Variants in NUDCD3 observed in about 807,000 individuals in gnomAD.
NUDCD3 encodes NudC domain containing 3.
A neutral mutation model predicts 39.7 loss-of-function variants in NUDCD3; 13 were observed. The ratio of observed to expected loss-of-function variants is 0.33; its 90% CI spans 0.21 to 0.52. NUDCD3 has a LOEUF of 0.52. Among genes scored for constraint, NUDCD3 ranks in the 20% least tolerant of loss-of-function variants. The pLI is 0.96. For missense variants in NUDCD3, 453 were observed against 458.1 expected (o/e 0.99, Z 0.10); for synonymous variants, 175 against 172.4 (o/e 1.02, Z -0.12).
At position 44,464,524 on chromosome 7, in the gene NUDCD3, G is replaced by A. The variant is rs934342078; in HGVS notation, c.509+20444C>T. ...CACCCAGTGCAATGGCACAATCTCG[G>A]CTCATTGCAACCTCCACCTCTCAGA... On this transcript the variant is annotated intron_variant, in intron 2 of 5. Transcript: ENST00000355451. Among the ~76,000 whole-genome samples the A allele has an allele frequency of 5.9e-5, 9 of 152,018 alleles. No homozygotes were observed. The East Asian group carries it at 1.7e-3, about 29-fold the overall frequency.
chr7:44,464,224 A>G (rs1223653010), intron 2 of NUDCD3, among the ~76,000 whole-genome samples: 3 of 147,684 alleles, frequency 2.0e-5, no homozygotes, highest in East Asian at 3.9e-4. Flanking sequence ...AAAAAAAAAA[A>G]AAAAAGAAAA....
intron 2 of NUDCD3, among the ~76,000 whole-genome samples, chr7:44,453,893 A>T (rs887184782): frequency 6.6e-6 from 1 of 152,096 alleles, no homozygotes; most frequent in Non-Finnish European, 1.5e-5. Context: ...AAATAAAAAC[A>T]TTAGCTGAGG....
At chr7:44,405,833 AT>A (rs1478258954) in intron 3 of NUDCD3, among the ~76,000 whole-genome samples, 1 of 152,168 alleles carries the variant, frequency 6.6e-6, no homozygotes. Flanking sequence ...GCCTCACTGC[AT>A]TGCCCAGGCT....
chr7:44,476,610 G>GT (rs899551545), intron 2 of NUDCD3, among the ~76,000 whole-genome samples: 35 of 152,268 alleles, frequency 2.3e-4, no homozygotes, highest in African/African-American at 6.7e-4. Flanking sequence ...AATGTCTGTT[G>GT]TTTATAAGCC....
intron 2 of NUDCD3, among the ~76,000 whole-genome samples, chr7:44,453,278 G>A (rs1309013930): frequency 6.6e-6 from 1 of 152,026 alleles, no homozygotes; most frequent in South Asian, 2.1e-4. Flanking sequence ...ACTTGAACTC[G>A]GGAAGCAGAG....
At chr7:44,468,142 C>T (rs1163278342) in intron 2 of NUDCD3, 4 of 1,606,234 alleles carry the variant, frequency 2.5e-6, no homozygotes, top group East Asian at 2.2e-5. Context: ...TCCACAACAT[C>T]AAGGAGCTGG....
intron 2 of NUDCD3, among the ~76,000 whole-genome samples, chr7:44,473,054 G>A (rs1051394723): frequency 4.6e-5 from 7 of 152,022 alleles, no homozygotes; most frequent in Admixed American, 2.6e-4. Flanking sequence ...GCTGGCACAC[G>A]GGAAACAACT....
intron 2 of NUDCD3, among the ~76,000 whole-genome samples, chr7:44,443,692 C>T (rs561588686): frequency 3.3e-5 from 5 of 152,288 alleles, no homozygotes; most frequent in South Asian, 2.1e-4. Context: ...GGATTACAGG[C>T]GTGACCCACA....
At chr7:44,433,558 C>G (rs1799409385) in intron 2 of NUDCD3, among the ~76,000 whole-genome samples, 1 of 152,188 alleles carries the variant, frequency 6.6e-6, no homozygotes, top group African/African-American at 2.4e-5. Flanking sequence ...CATGTATGCA[C>G]ACAGTGTGCA....
At chr7:44,470,473 C>A (rs1202092302) in intron 2 of NUDCD3, among the ~76,000 whole-genome samples, 2 of 152,196 alleles carry the variant, frequency 1.3e-5, no homozygotes, top group Non-Finnish European at 2.9e-5. Flanking sequence ...TAAGGTCCCC[C>A]CAATGTTAGC....
At chr7:44,455,751 G>A (rs918362536) in intron 2 of NUDCD3, among the ~76,000 whole-genome samples, 17 of 152,242 alleles carry the variant, frequency 1.1e-4, no homozygotes, top group Middle Eastern at 3.4e-3. Flanking sequence ...AACAAGTAAA[G>A]AATATTGCTT....
intron 3 of NUDCD3, among the ~76,000 whole-genome samples, chr7:44,405,206 G>C (rs574784864): frequency 5.9e-5 from 9 of 152,270 alleles, no homozygotes; most frequent in African/African-American, 2.2e-4. Flanking sequence ...TTTGCATTTT[G>C]TCTTGGTTCT....
chr7:44,433,405 T>C (rs1186529569), intron 2 of NUDCD3, among the ~76,000 whole-genome samples: 1 of 152,134 alleles, frequency 6.6e-6, no homozygotes, highest in Non-Finnish European at 1.5e-5. Context: ...GGTGCATGTG[T>C]ACCTGCATGT....
intron 2 of NUDCD3, among the ~76,000 whole-genome samples, chr7:44,479,367 A>G (rs988518546): frequency 6.6e-6 from 1 of 152,254 alleles, no homozygotes; most frequent in African/African-American, 2.4e-5. Context: ...GTCTGTATAC[A>G]GTAATGAACA....
At chr7:44,427,516 A>T (rs1325144089) in intron 3 of NUDCD3, 55 bp downstream of exon 3, 39 of 1,574,580 alleles carry the variant, frequency 2.5e-5, no homozygotes, top group Non-Finnish European at 3.2e-5. Context: ...CTTCCCTGCA[A>T]CAGCTTTGAC....
Position 44,490,633 on chromosome 7 carries a change from A to T in NUDCD3, c.-33T>A. The T allele has an allele frequency of 6.4e-6, 10 of 1,564,804 alleles. No homozygotes were observed. The highest frequency in any genetic ancestry group is 1.7e-4 in the Middle Eastern group (1 of 5,938). ...CCCGCCCTAGGTACGCTTCACACAC[A>T]CAGCGCCGCCTCAGACCTGCCGACT... is the stretch of plus-strand genomic sequence containing the variant. On this transcript the variant is annotated 5_prime_UTR_variant, in exon 1 of 6. Coordinates refer to ENST00000355451, the MANE Select transcript of NUDCD3 (RefSeq NM_015332.4).
intron 2 of NUDCD3, among the ~76,000 whole-genome samples, chr7:44,448,466 A>G (rs1315339111): frequency 2.0e-5 from 3 of 152,196 alleles, no homozygotes; most frequent in African/African-American, 7.2e-5. Flanking sequence ...TCTGTCTTAC[A>G]CTTAATTCAC....
chr7:44,426,030 G>A, intron 3 of NUDCD3: 1 of 629,164 alleles, frequency 1.6e-6, no homozygotes, highest in Non-Finnish European at 2.0e-6. Context: ...ATAGGACATG[G>A]CTCCCTGCTC....
At chr7:44,417,173 T>A (rs1425241153) in intron 3 of NUDCD3, among the ~76,000 whole-genome samples, 2 of 152,140 alleles carry the variant, frequency 1.3e-5, no homozygotes, top group Non-Finnish European at 2.9e-5. Context: ...TTAGAAAACG[T>A]CTAATGTAGA....
Sources: gnomAD v4.1 joint callset for allele counts (sites outside exome capture counted in the v4.1 genomes callset) on GRCh38, gnomAD v4.1.1 for gene constraint, MANE v1.5 for transcripts, NCBI Gene and HGNC (gene_info 2026-07-23, HGNC 2026-07-21) for gene names.